AKR1C8: variants seen among roughly 807,000 people sequenced by gnomAD.
The protein encoded by AKR1C8 is aldo-keto reductase family 1 member C8.
At chr10:5,131,022 G>A in the AKR1C8 span, among the ~76,000 whole-genome samples, 26 of 151,910 alleles carry the variant, frequency 1.7e-4, no homozygotes, top group African/African-American at 5.3e-4. Flanking sequence ...ACAAAATAGA[G>A]AACCCAGAAA....
At chr10:5,118,883 C>A in the AKR1C8 span, among the ~76,000 whole-genome samples, 20 of 151,916 alleles carry the variant, frequency 1.3e-4, no homozygotes, top group Non-Finnish European at 2.1e-4. Context: ...CCTTCCATTC[C>A]CTTGAAGAAA....
chr10:5,158,239 A>T, the AKR1C8 span, among the ~76,000 whole-genome samples: 1 of 152,242 alleles, frequency 6.6e-6, no homozygotes, highest in Non-Finnish European at 1.5e-5. Context: ...GAAGGAAAAA[A>T]AATAACTTCT....
At chr10:5,158,617 G>A in the AKR1C8 span, 2 of 478,450 alleles carry the variant, frequency 4.2e-6, no homozygotes, top group Non-Finnish European at 8.7e-6. Context: ...GGTCTCTTTG[G>A]GATCCCAGGG....
the AKR1C8 span, among the ~76,000 whole-genome samples, chr10:5,174,276 G>A: frequency 2.4e-5 from 2 of 83,038 alleles, no homozygotes; most frequent in African/African-American, 8.6e-5. Context: ...GATATGTGAT[G>A]TCTATAAAAA....
chr10:5,175,684 G>A, the AKR1C8 span, among the ~76,000 whole-genome samples: 1 of 152,128 alleles, frequency 6.6e-6, no homozygotes, highest in African/African-American at 2.4e-5. Flanking sequence ...GGTGTGAGAT[G>A]GTATCTCATC....
At chr10:5,155,095 G>A in the AKR1C8 span, 3 of 152,052 alleles carry the variant, frequency 2.0e-5, no homozygotes, top group Admixed American at 2.0e-4. Context: ...AGGTAAAGAG[G>A]GCCAAGAAAG....
the AKR1C8 span, chr10:5,160,872 C>A: frequency 3.3e-3 from 1,561 of 471,080 alleles, 19 homozygotes; most frequent in African/African-American, 0.029. Flanking sequence ...CATCCTTTGG[C>A]AGTAATTCTT....
At chr10:5,128,955 T>C in the AKR1C8 span, among the ~76,000 whole-genome samples, 1 of 151,970 alleles carries the variant, frequency 6.6e-6, no homozygotes, top group Non-Finnish European at 1.5e-5. Flanking sequence ...TTACAGAACA[T>C]TCTACCCGCC....
At chr10:5,123,452 C>T in the AKR1C8 span, 1 of 446,040 alleles carries the variant, frequency 2.2e-6, no homozygotes, top group Non-Finnish European at 4.2e-6. Flanking sequence ...GGAAGGAAAC[C>T]CAGAAATGCT....
At chr10:5,185,024 A>T in the AKR1C8 span, 5 of 534,650 alleles carry the variant, frequency 9.4e-6, no homozygotes, top group African/African-American at 9.6e-5. Context: ...GATCAGGAGC[A>T]TAAGTGCCAA....
chr10:5,142,318 T>C, the AKR1C8 span, among the ~76,000 whole-genome samples: 20 of 152,224 alleles, frequency 1.3e-4, no homozygotes, highest in African/African-American at 4.6e-4. Flanking sequence ...TTCTTATCAG[T>C]AGTAAAGCTT....
the AKR1C8 span, among the ~76,000 whole-genome samples, chr10:5,169,040 A>G: frequency 6.6e-6 from 1 of 152,062 alleles, no homozygotes; most frequent in African/African-American, 2.4e-5. Context: ...TAAAAGACAA[A>G]TGTATTACTC....
chr10:5,167,549 C>T, the AKR1C8 span, among the ~76,000 whole-genome samples: 4 of 152,148 alleles, frequency 2.6e-5, no homozygotes, highest in Non-Finnish European at 5.9e-5. Context: ...AAACCAAACA[C>T]CGCATGTTCT....
the AKR1C8 span, among the ~76,000 whole-genome samples, chr10:5,119,320 AT>A: frequency 6.6e-6 from 1 of 152,174 alleles, no homozygotes; most frequent in African/African-American, 2.4e-5. Context: ...AGTCAGTAAA[AT>A]TTTGAAATTT....
At chr10:5,173,709 T>C in the AKR1C8 span, among the ~76,000 whole-genome samples, 1 of 151,906 alleles carries the variant, frequency 6.6e-6, no homozygotes, top group East Asian at 1.9e-4. Context: ...ATAAAAAGAA[T>C]AATAAGCATC....
the AKR1C8 span, among the ~76,000 whole-genome samples, chr10:5,177,874 T>C: frequency 6.6e-6 from 1 of 152,226 alleles, no homozygotes; most frequent in African/African-American, 2.4e-5. Context: ...CTCTCTTTTC[T>C]TCTTTATTAG....
At chr10:5,141,545 G>A in the AKR1C8 span, among the ~76,000 whole-genome samples, 13 of 152,208 alleles carry the variant, frequency 8.5e-5, no homozygotes, top group East Asian at 1.5e-3. Context: ...GTAACTGATT[G>A]AAATGTATTT....
chr10:5,146,671 C>T, the AKR1C8 span, among the ~76,000 whole-genome samples: 1 of 152,044 alleles, frequency 6.6e-6, no homozygotes. Context: ...CAAAATAACC[C>T]ACTCTATGGG....
At chr10:5,125,987 G>A in the AKR1C8 span, among the ~76,000 whole-genome samples, 30 of 152,236 alleles carry the variant, frequency 2.0e-4, no homozygotes, top group Non-Finnish European at 2.6e-4. Flanking sequence ...ACAACATCCC[G>A]TAGCACAAAA....
Sources: gnomAD v4.1 joint callset for allele counts (sites outside exome capture counted in the v4.1 genomes callset) on GRCh38, gnomAD v4.1.1 for gene constraint, MANE v1.5 for transcripts, NCBI Gene and HGNC (gene_info 2026-07-23, HGNC 2026-07-21) for gene names.